The following MYO10 variants were observed in gnomAD, a reference collection of about 807,000 sequenced individuals.
The protein encoded by MYO10 is unconventional myosin-X.
MYO10 carries 133 observed loss-of-function variants against 257.3 expected under a neutral mutation model. That is an observed-to-expected ratio of 0.52 (90% CI 0.45 to 0.60). MYO10 has a LOEUF of 0.60. Ranked by LOEUF, MYO10 falls within the 20% of genes least tolerant of loss-of-function variation. MYO10 has a pLI of 0.00. For missense variants in MYO10, 2,399 were observed against 2,635.7 expected, an observed-to-expected ratio of 0.91 and a Z score of 1.97; for synonymous variants, 1,104 against 1,028.6, an observed-to-expected ratio of 1.07 and a Z score of -1.40.
intron 19 of MYO10, among the ~76,000 whole-genome samples, chr5:16,743,821 A>G (rs951958591): frequency 4.6e-5 from 7 of 152,170 alleles, no homozygotes; most frequent in Non-Finnish European, 8.8e-5. Context: ...GAACCATACA[A>G]CACAGACAGT....
intron 3 of MYO10, among the ~76,000 whole-genome samples, chr5:16,813,482 T>G (rs780339166): frequency 2.6e-5 from 4 of 151,572 alleles, no homozygotes; most frequent in Non-Finnish European, 5.9e-5. Context: ...AGGAGTGAGT[T>G]AGAGGCTGCA....
At chr5:16,893,258 G>T (rs1745120650) in intron 1 of MYO10, among the ~76,000 whole-genome samples, 2 of 149,606 alleles carry the variant, frequency 1.3e-5, no homozygotes, top group African/African-American at 4.9e-5. Flanking sequence ...AAGCGATAAG[G>T]AGGCTGAAGA....
chr5:16,823,467 G>GGGGGGGGGGTTTTT lies in MYO10; in HGVS notation c.121-5301_121-5300insAAAAACCCCCCCCC. Among the ~76,000 whole-genome samples, 3 of 3,982 alleles carry GGGGGGGGGGTTTTT rather than the reference G, an allele frequency of 7.5e-4. 1 individual carries two copies. The highest frequency in any genetic ancestry group is 2.9e-3 in the African/African-American group (3 of 1,024). 2.6% of individuals were successfully genotyped at this position (3,982 alleles called of 152,430 possible). On this transcript the variant is annotated intron_variant, in intron 2 of 40. Coordinates refer to ENST00000513610, the MANE Select transcript of MYO10 (RefSeq NM_012334.3). The stretch of plus-strand genomic sequence containing the variant: ...CTTGCGCGGGGGGGGGGGGAGTGGG[G>GGGGGGGGGGTTTTT]ATTTTTTTTTTTTTTTTTTTGTGAG...
chr5:16,813,689 C>T (rs1335126758), intron 3 of MYO10, among the ~76,000 whole-genome samples: 2 of 152,162 alleles, frequency 1.3e-5, no homozygotes, highest in Non-Finnish European at 2.9e-5. Context: ...CAAAGGGGCT[C>T]TGCACAGGTG....
chr5:16,823,617 G>A (rs1043759804), intron 2 of MYO10, among the ~76,000 whole-genome samples: 5 of 150,654 alleles, frequency 3.3e-5, no homozygotes, highest in African/African-American at 4.9e-5. Flanking sequence ...GACTACAGGC[G>A]CCCGCCACCA....
rs543231878 is a variant in MYO10, at chr5:16,681,444, G to A, written c.4249C>T (p.Arg1417Trp). The stretch of plus-strand genomic sequence containing the variant: ...GAATTGTGGGTGAGTACAAACCACC[G>A]TTTCTTCAGTTTCAGTGAAGACATC... ...PKMSSLKLKK[R>W]WFVLTHNSLD... is the part of the protein sequence containing the mutation. Residue 1417 changes from arginine (R) to tryptophan (W), a missense_variant, in exon 32 of 41, where the codon CGG becomes TGG. This residue lies in a region of MYO10 where 1,820 missense variants were observed against 1,939.4 expected (regional missense o/e 0.94). Coordinates refer to ENST00000513610, the MANE Select transcript of MYO10 (RefSeq NM_012334.3). 94 of 1,613,782 alleles carry A rather than the reference G, an allele frequency of 5.8e-5. No individual in the cohort carries two copies. Among genetic ancestry groups the A allele is most frequent in the Admixed American group, 1.0e-4 (6 of 59,994 alleles).
intron 27 of MYO10, among the ~76,000 whole-genome samples, chr5:16,690,494 CCTGACTTCTCTAGGGG>C (rs1337184287): frequency 6.6e-6 from 1 of 152,110 alleles, no homozygotes; most frequent in African/African-American, 2.4e-5. Context: ...GCAGGGTTCC[CCTGACTTCTCTAGGGG>C]AGAGGCTCTC....
intron 1 of MYO10, among the ~76,000 whole-genome samples, chr5:16,888,884 G>A (rs964130894): frequency 5.3e-5 from 8 of 152,078 alleles, no homozygotes; most frequent in Non-Finnish European, 1.0e-4. Context: ...ATAAACAATA[G>A]GCCAGGCCAG....
At chr5:16,697,578 A>G (rs1416409423) in intron 26 of MYO10, among the ~76,000 whole-genome samples, 27 of 151,994 alleles carry the variant, frequency 1.8e-4, no homozygotes, top group Non-Finnish European at 2.9e-5. Context: ...TGTGCCTGTA[A>G]TCCCAGCTAC....
intron 3 of MYO10, among the ~76,000 whole-genome samples, chr5:16,801,011 T>C (rs985289529): frequency 3.3e-5 from 5 of 152,128 alleles, no homozygotes. Context: ...AAGTAATAAA[T>C]AAAAGTTACG....
rs1200878150 is a variant in MYO10 at position 16,699,544 on chromosome 5, G to A, written c.3462C>T (p.Ser1154=). 2 of 1,613,612 alleles carry A rather than the reference G, an allele frequency of 1.2e-6. No individual in the cohort carries two copies. The highest frequency in any genetic ancestry group is 1.7e-6 in the Non-Finnish European group (2 of 1,179,834). The change falls in exon 26 of 41, where the codon TCC becomes TCT. Residue 1154 remains serine, a synonymous_variant. Coordinates refer to ENST00000513610, the MANE Select transcript of MYO10 (RefSeq NM_012334.3). ...SFEDSEEDFD[S]RFDTDDELSY... is the part of the protein sequence containing the mutation. ...AAAGCTCATCATCTGTATCAAACCT[G>A]GAATCAAAGTCCTCTTCACTATCTT...
At chr5:16,748,998 C>T (rs977738768) in intron 19 of MYO10, among the ~76,000 whole-genome samples, 6 of 152,124 alleles carry the variant, frequency 3.9e-5, no homozygotes, top group African/African-American at 1.4e-4. Context: ...GGGGTAGAGA[C>T]AGATGGGGCT....
chr5:16,734,173 G>A (rs1196019230), intron 19 of MYO10, among the ~76,000 whole-genome samples: 1 of 151,664 alleles, frequency 6.6e-6, no homozygotes. Flanking sequence ...GCAGCAGACA[G>A]AAGGCTATTC....
chr5:16,857,599 T>C (rs1256356435), intron 2 of MYO10, among the ~76,000 whole-genome samples: 1 of 152,212 alleles, frequency 6.6e-6, no homozygotes, highest in Non-Finnish European at 1.5e-5. Context: ...GATTGAGACC[T>C]AGAATTCAGT....
At chr5:16,696,651 T>C (rs1579845383) in intron 26 of MYO10, among the ~76,000 whole-genome samples, 1 of 122,548 alleles carries the variant, frequency 8.2e-6, no homozygotes, top group African/African-American at 3.2e-5. Context: ...AGGTCAAGAG[T>C]TCAAGACCAG....
chr5:16,822,209 A>G (rs192558683), intron 2 of MYO10, among the ~76,000 whole-genome samples: 1 of 152,216 alleles, frequency 6.6e-6, no homozygotes, highest in African/African-American at 2.4e-5. Context: ...CGTGTGCGGC[A>G]AGCCACCACG....
chr5:16,677,566 C>A (rs995013396), intron 33 of MYO10, among the ~76,000 whole-genome samples: 2 of 151,260 alleles, frequency 1.3e-5, no homozygotes, highest in African/African-American at 4.9e-5. Context: ...CAGGCGCCTG[C>A]CACCACACCC....
At chr5:16,749,017 G>A (rs938945973) in intron 19 of MYO10, among the ~76,000 whole-genome samples, 3 of 152,144 alleles carry the variant, frequency 2.0e-5, no homozygotes, top group South Asian at 4.2e-4. Context: ...CTCCAAGATC[G>A]ACAGCCCACA....
At chr5:16,720,188 T>C (rs560349619) in intron 19 of MYO10, among the ~76,000 whole-genome samples, 3 of 152,096 alleles carry the variant, frequency 2.0e-5, no homozygotes, top group African/African-American at 7.2e-5. Context: ...GAGCCCGAGA[T>C]CTGGCAACAC....
Sources: gnomAD v4.1 joint callset for allele counts (sites outside exome capture counted in the v4.1 genomes callset) on GRCh38, gnomAD v4.1.1 for gene constraint, gnomAD v4.1.1 regional missense constraint, MANE v1.5 for transcripts, NCBI Gene and HGNC (gene_info 2026-07-23, HGNC 2026-07-21) for gene names.